RASGEF1C: variants seen among roughly 807,000 people sequenced by gnomAD.
The protein encoded by RASGEF1C is RasGEF domain family member 1C, also known as ras-GEF domain-containing family member 1C.
Under a neutral mutation model 58.1 loss-of-function variants are expected in RASGEF1C, and 27 were observed. The ratio of observed to expected loss-of-function variants is 0.46; its 90% confidence interval spans 0.34 to 0.64. RASGEF1C has a LOEUF of 0.64. RASGEF1C is among the 30% of genes least tolerant of loss of function. The probability of loss-of-function intolerance (pLI) is 0.01; values close to 1 mark genes in which losing one functional copy is unlikely to be tolerated. For missense variants in RASGEF1C, 502 were observed against 605.1 expected, an observed-to-expected ratio of 0.83 and a Z score of 1.79; for synonymous variants, 243 against 246.3, an observed-to-expected ratio of 0.99 and a Z score of 0.13.
intron 1 of RASGEF1C, among the ~76,000 whole-genome samples, chr5:180,179,362 C>T (rs531853694): frequency 6.6e-6 from 1 of 152,148 alleles, no homozygotes; most frequent in East Asian, 1.9e-4. Context: ...CAGGAGGGGG[C>T]TTGGAAGCCC....
At chr5:180,114,581 CCA>C in intron 10 of RASGEF1C, 40 bp from the exon 11 acceptor site, 1 of 1,570,636 alleles carries the variant, frequency 6.4e-7, no homozygotes, top group South Asian at 1.1e-5. Flanking sequence ...AGCCGGCCCT[CCA>C]CACAGCGGGC....
chr5:180,123,571 T>C (rs1766210620), intron 6 of RASGEF1C, among the ~76,000 whole-genome samples: 1 of 152,098 alleles, frequency 6.6e-6, no homozygotes, highest in South Asian at 2.1e-4. Context: ...TAAAAATTTA[T>C]GTAAAAAGAA....
chr5:180,161,506 C>T (rs910713453), intron 1 of RASGEF1C, among the ~76,000 whole-genome samples: 2 of 152,238 alleles, frequency 1.3e-5, no homozygotes, highest in African/African-American at 4.8e-5. Context: ...CCGGGGCCAT[C>T]GCCGTGGCGT....
intron 1 of RASGEF1C, among the ~76,000 whole-genome samples, chr5:180,159,913 C>T (rs17682426): frequency 0.038 from 5,751 of 152,292 alleles, 141 homozygotes; most frequent in Non-Finnish European, 0.055. Context: ...TGTGAGCTGC[C>T]GTGGCTGCCC....
chr5:180,200,071 C>G (rs1354063453), intron 1 of RASGEF1C, among the ~76,000 whole-genome samples: 2 of 151,934 alleles, frequency 1.3e-5, no homozygotes, highest in Non-Finnish European at 2.9e-5. Flanking sequence ...ACCAGCCTGC[C>G]CAACATGGTG....
intron 1 of RASGEF1C, among the ~76,000 whole-genome samples, chr5:180,196,969 G>A (rs1756290233): frequency 1.3e-5 from 2 of 152,192 alleles, no homozygotes; most frequent in Admixed American, 1.3e-4. Context: ...AGAGCCCGAG[G>A]GTTCCCAAGA....
intron 6 of RASGEF1C, among the ~76,000 whole-genome samples, chr5:180,122,739 C>G (rs1412404026): frequency 1.4e-5 from 1 of 72,480 alleles, no homozygotes; most frequent in African/African-American, 4.7e-5. Flanking sequence ...GAAACTTCAT[C>G]TAAAAAAAAA....
chr5:180,118,467 C>T, intron 10 of RASGEF1C, 142 bp downstream of exon 10: 2 of 739,022 alleles, frequency 2.7e-6, no homozygotes, highest in Admixed American at 5.8e-5. Flanking sequence ...TGGTGAGTTC[C>T]CCACGCTGGA....
At chr5:180,190,561 C>T (rs1756146043) in intron 1 of RASGEF1C, among the ~76,000 whole-genome samples, 1 of 125,400 alleles carries the variant, frequency 8.0e-6, no homozygotes, top group Admixed American at 7.4e-5. Flanking sequence ...TGCCTGTGGC[C>T]CCAACTACTT....
chr5:180,141,408 G>A (rs1222608371), intron 1 of RASGEF1C, among the ~76,000 whole-genome samples: 1 of 152,252 alleles, frequency 6.6e-6, no homozygotes, highest in Admixed American at 6.5e-5. Flanking sequence ...TTCTGAGCCT[G>A]CGGCAACACG....
At chr5:180,179,658 G>A (rs1767290507) in intron 1 of RASGEF1C, among the ~76,000 whole-genome samples, 1 of 152,234 alleles carries the variant, frequency 6.6e-6, no homozygotes, top group Non-Finnish European at 1.5e-5. Flanking sequence ...CTGCCACTGG[G>A]CGTCAGGTAT....
rs537029023 is a variant in RASGEF1C, at chr5:180,175,975, G to A, written c.-7+33053C>T. Among the ~76,000 whole-genome samples, 287 of 152,324 alleles carry A rather than the reference G, an allele frequency of 1.9e-3. 1 individual carries two copies. The highest frequency in any genetic ancestry group is 0.016 in the South Asian group (76 of 4,828). On this transcript the variant is annotated intron_variant, in intron 1 of 13. Coordinates refer to ENST00000361132, the MANE Select transcript of RASGEF1C (RefSeq NM_175062.4). Reference sequence around the variant, plus strand: ...TGCACTCCAGCCTGGGCGACAGAGCGGGACTCCGTCTCGAAGAAAAAAGAA... The same window carrying A: ...TGCACTCCAGCCTGGGCGACAGAGCAGGACTCCGTCTCGAAGAAAAAAGAA...
chr5:180,200,166 AG>A (rs1756359002), intron 1 of RASGEF1C, among the ~76,000 whole-genome samples: 2 of 152,004 alleles, frequency 1.3e-5, no homozygotes, highest in Admixed American at 1.3e-4. Context: ...AGGCTAAGGC[AG>A]GAGAATTGCT....
intron 4 of RASGEF1C, 92 bp from the exon 5 acceptor site, chr5:180,128,702 G>A: frequency 7.7e-7 from 1 of 1,301,502 alleles, no homozygotes; most frequent in African/African-American, 1.5e-5. Context: ...TCCAAAGGGA[G>A]GGTCTTTTCC....
At chr5:180,142,165 T>G (rs978735684) in intron 1 of RASGEF1C, among the ~76,000 whole-genome samples, 17 of 152,092 alleles carry the variant, frequency 1.1e-4, no homozygotes, top group Non-Finnish European at 1.5e-4. Flanking sequence ...TCGTACCCTG[T>G]AGAGAGACCT....
intron 7 of RASGEF1C, 25 bp from the exon 8 acceptor site, chr5:180,119,473 A>T: frequency 6.3e-7 from 1 of 1,582,024 alleles, no homozygotes; most frequent in Non-Finnish European, 8.7e-7. Flanking sequence ...GCAGAGCCTC[A>T]GTGGTGACAC....
chr5:180,122,580 A>C (rs1482523779), intron 6 of RASGEF1C, among the ~76,000 whole-genome samples: 1 of 152,022 alleles, frequency 6.6e-6, no homozygotes, highest in African/African-American at 2.4e-5. Context: ...GTCTCTACTA[A>C]ATATACAAAA....
At chr5:180,123,810 G>A (rs770288790) in intron 6 of RASGEF1C, among the ~76,000 whole-genome samples, 9 of 151,862 alleles carry the variant, frequency 5.9e-5, no homozygotes, top group Non-Finnish European at 8.8e-5. Flanking sequence ...GATGAACCTC[G>A]GATAAGATTG....
At chr5:180,121,681 A>ACACACCCC (rs71892414) in intron 6 of RASGEF1C, among the ~76,000 whole-genome samples, 4 of 73,468 alleles carry the variant, frequency 5.4e-5, no homozygotes, top group African/African-American at 1.4e-4. Context: ...ACACACACAC[A>ACACACCCC]CCCTCATTAT....
Sources: allele counts gnomAD v4.1 joint callset (sites outside exome capture counted in the v4.1 genomes callset), GRCh38; gene constraint gnomAD v4.1.1; transcripts MANE v1.5; gene names NCBI Gene and HGNC (gene_info 2026-07-23, HGNC 2026-07-21).